GRM7: variants seen among roughly 807,000 people sequenced by gnomAD.
The protein encoded by GRM7 is glutamate metabotropic receptor 7, also known as metabotropic glutamate receptor 7.
In GRM7, 35 loss-of-function variants were observed where a neutral mutation model predicts 84.5. That is an observed-to-expected ratio of 0.41 (90% confidence interval 0.32 to 0.55). The LOEUF (loss-of-function observed/expected upper bound fraction) is 0.55, where lower values mean the gene tolerates loss of function less well. Among genes scored for constraint, GRM7 ranks in the 20% least tolerant of loss-of-function variants. The pLI, the probability that GRM7 is intolerant of heterozygous loss-of-function variation, is 0.19. For synonymous variants in GRM7, 487 were observed against 455.1 expected (o/e 1.07, Z -0.89); for missense variants, 1,003 against 1,194.6 (o/e 0.84, Z 2.36).
At chr3:7,284,306 GTGTGTGTATA>G (rs781472794) in intron 2 of GRM7, among the ~76,000 whole-genome samples, 29 of 127,778 alleles carry the variant, frequency 2.3e-4, no homozygotes, top group Middle Eastern at 4.1e-3. Flanking sequence ...GTGTGTGTGT[GTGTGTGTATA>G]TACATGAGCT....
intron 2 of GRM7, among the ~76,000 whole-genome samples, chr3:7,176,308 G>A (rs1369775992): frequency 6.8e-6 from 1 of 147,310 alleles, no homozygotes; most frequent in Non-Finnish European, 1.5e-5. Context: ...CTACTCTAGA[G>A]GCAAAGGTGG....
intron 8 of GRM7, among the ~76,000 whole-genome samples, chr3:7,620,011 C>G (rs1051957605): frequency 6.6e-6 from 1 of 152,130 alleles, no homozygotes; most frequent in African/African-American, 2.4e-5. Flanking sequence ...CCTGACCACT[C>G]CTTAGACTTT....
chr3:7,162,700 C>A (rs963516804), intron 2 of GRM7, among the ~76,000 whole-genome samples: 1 of 126,454 alleles, frequency 7.9e-6, no homozygotes, highest in Non-Finnish European at 1.7e-5. Flanking sequence ...TCTGCATCTA[C>A]TTGCAATCTC....
chr3:7,161,856 A>G lies in GRM7; in HGVS notation c.736+15188A>G, dbSNP rs138430513. On this transcript the variant is annotated intron_variant, in intron 2 of 9. Transcript: ENST00000357716. ...AGCGTTAGGCAAATATCTGTGCCCA[A>G]TAAAAACGATGTCCTTTTATTTGTG... Among the ~76,000 whole-genome samples, 134 of 152,328 alleles carry G rather than the reference A, an allele frequency of 8.8e-4. 1 individual carries two copies. The highest frequency in any genetic ancestry group is 3.1e-3 in the African/African-American group (130 of 41,574).
intron 1 of GRM7, among the ~76,000 whole-genome samples, chr3:6,939,069 G>A (rs1043933796): frequency 1.6e-4 from 24 of 152,100 alleles, no homozygotes; most frequent in Admixed American, 1.5e-3. Flanking sequence ...GATTTTTTCT[G>A]CACAAGTTAT....
At chr3:7,415,205 G>T (rs775756366) in intron 5 of GRM7, 42 bp downstream of exon 5, 1 of 1,551,680 alleles carries the variant, frequency 6.4e-7, no homozygotes, top group East Asian at 2.2e-5. Context: ...ACTCTACGTG[G>T]CTAGCACTGA....
intron 1 of GRM7, among the ~76,000 whole-genome samples, chr3:7,140,193 A>G (rs1346039916): frequency 6.6e-6 from 1 of 151,980 alleles, no homozygotes; most frequent in Non-Finnish European, 1.5e-5. Context: ...CCCCTTGAAT[A>G]GGTGATAAAA....
chr3:6,866,822 A>G (rs1247735836), intron 1 of GRM7, among the ~76,000 whole-genome samples: 1 of 152,200 alleles, frequency 6.6e-6, no homozygotes, highest in Non-Finnish European at 1.5e-5. Flanking sequence ...GGTCAAATGA[A>G]GCAGGTGATT....
intron 8 of GRM7, among the ~76,000 whole-genome samples, chr3:7,676,379 A>C (rs1183025247): frequency 6.6e-6 from 1 of 152,190 alleles, no homozygotes; most frequent in African/African-American, 2.4e-5. Context: ...TCATACCTAC[A>C]TATAGTCATG....
chr3:7,699,121 A>T (rs569670448), intron 9 of GRM7, among the ~76,000 whole-genome samples: 1 of 152,306 alleles, frequency 6.6e-6, no homozygotes, highest in South Asian at 2.1e-4. Context: ...AACAGTGCAA[A>T]AGTTGACCTT....
intron 7 of GRM7, among the ~76,000 whole-genome samples, chr3:7,499,257 A>G (rs1266132768): frequency 6.6e-6 from 1 of 152,166 alleles, no homozygotes; most frequent in African/African-American, 2.4e-5. Context: ...AGAAACCAGC[A>G]GAAGATTCAG....
intron 2 of GRM7, among the ~76,000 whole-genome samples, chr3:7,219,530 A>G (rs996322867): frequency 6.6e-6 from 1 of 152,198 alleles, no homozygotes; most frequent in Non-Finnish European, 1.5e-5. Context: ...GGGAGTTTAC[A>G]GGTAAGTAAT....
chr3:7,544,932 G>GATAAAAT (rs1693071955), intron 7 of GRM7, among the ~76,000 whole-genome samples: 1 of 152,178 alleles, frequency 6.6e-6, no homozygotes, highest in South Asian at 2.1e-4. Flanking sequence ...CCCCTTAGGG[G>GATAAAAT]CATTATCACT....
intron 2 of GRM7, among the ~76,000 whole-genome samples, chr3:7,170,449 G>A (rs997987487): frequency 6.6e-6 from 1 of 152,082 alleles, no homozygotes; most frequent in Non-Finnish European, 1.5e-5. Context: ...CCACTTCTTA[G>A]GATGACTATC....
intron 2 of GRM7, among the ~76,000 whole-genome samples, chr3:7,285,017 C>T (rs1699380238): frequency 6.6e-6 from 1 of 152,126 alleles, no homozygotes; most frequent in African/African-American, 2.4e-5. Flanking sequence ...CAAACTTTGA[C>T]CAGCAGGTTA....
At chr3:7,585,848 G>C (rs1012420136) in intron 8 of GRM7, among the ~76,000 whole-genome samples, 5 of 152,188 alleles carry the variant, frequency 3.3e-5, no homozygotes, top group East Asian at 3.9e-4. Flanking sequence ...AACCATAACA[G>C]AGCGTGGTGT....
intron 4 of GRM7, among the ~76,000 whole-genome samples, chr3:7,322,755 G>A (rs1700834976): frequency 6.6e-6 from 1 of 152,028 alleles, no homozygotes; most frequent in Non-Finnish European, 1.5e-5. Flanking sequence ...TTATGGCTGA[G>A]TAGTATGCCA....
At chr3:7,737,278 C>T (rs1244384254) in intron 9 of GRM7, among the ~76,000 whole-genome samples, 1 of 152,090 alleles carries the variant, frequency 6.6e-6, no homozygotes, top group Non-Finnish European at 1.5e-5. Flanking sequence ...CTTAACACTA[C>T]CTCACTGTAA....
At chr3:7,666,046 G>GAATCT (rs1699686060) in intron 8 of GRM7, among the ~76,000 whole-genome samples, 13 of 152,138 alleles carry the variant, frequency 8.5e-5, no homozygotes, top group Admixed American at 8.5e-4. Context: ...TGAGATAACT[G>GAATCT]AATCTATGAC....
Sources: gnomAD v4.1 joint callset for allele counts (sites outside exome capture counted in the v4.1 genomes callset) on GRCh38, gnomAD v4.1.1 for gene constraint, MANE v1.5 for transcripts, NCBI Gene and HGNC (gene_info 2026-07-23, HGNC 2026-07-21) for gene names.